Variants in JCAD observed in about 807,000 individuals in gnomAD.
JCAD encodes the protein junctional cadherin 5-associated protein.
JCAD carries 40 observed loss-of-function variants against 98.0 expected under a neutral mutation model. The ratio of observed to expected loss-of-function variants is 0.41; its 90% CI spans 0.32 to 0.53. The LOEUF (loss-of-function observed/expected upper bound fraction) is 0.53, where lower values mean the gene tolerates loss of function less well. Among genes scored for constraint, JCAD ranks in the 20% least tolerant of loss-of-function variants. JCAD has a pLI of 0.31. For missense variants in JCAD, 1,705 were observed against 1,738.1 expected, an observed-to-expected ratio of 0.98 and a Z score of 0.34; for synonymous variants, 691 against 682.3, an observed-to-expected ratio of 1.01 and a Z score of -0.20.
At chr10:30,040,096 C>T (rs538024244) in intron 2 of JCAD, among the ~76,000 whole-genome samples, 3 of 152,222 alleles carry the variant, frequency 2.0e-5, no homozygotes, top group African/African-American at 7.2e-5. Context: ...GGTGAAGAAC[C>T]GAGTGTCTGT....
intron 1 of JCAD, among the ~76,000 whole-genome samples, chr10:30,099,157 G>A (rs1293570669): frequency 6.6e-6 from 1 of 152,068 alleles, no homozygotes; most frequent in Non-Finnish European, 1.5e-5. Flanking sequence ...TTTAAAAGTG[G>A]GGAAAATGAA....
chr10:30,089,234 C>A (rs541037187), intron 1 of JCAD, among the ~76,000 whole-genome samples: 22 of 152,166 alleles, frequency 1.4e-4, no homozygotes, highest in African/African-American at 4.6e-4. Context: ...AAGCTGAGAG[C>A]TTTCTTCCCT....
intron 2 of JCAD, among the ~76,000 whole-genome samples, chr10:30,040,440 A>G (rs1837218971): frequency 6.6e-6 from 1 of 152,236 alleles, no homozygotes; most frequent in South Asian, 2.1e-4. Context: ...AACTGCTTTC[A>G]CCAGTGTGAA....
At chr10:30,079,737 A>G (rs1353710855) in intron 1 of JCAD, among the ~76,000 whole-genome samples, 2 of 152,226 alleles carry the variant, frequency 1.3e-5, no homozygotes, top group African/African-American at 2.4e-5. Context: ...TATCACAACT[A>G]TAATTCATGG....
chr10:30,061,349 C>A (rs1837697484), upstream of JCAD, among the ~76,000 whole-genome samples: 1 of 152,018 alleles, frequency 6.6e-6, no homozygotes, highest in African/African-American at 2.4e-5. Context: ...TCGAGACCAG[C>A]CTGGGTAAGA....
At position 30,044,626 on chromosome 10, in the gene JCAD, G is replaced by A. The variant is rs537691527; in HGVS notation, c.281+2906C>T. On this transcript the variant is annotated intron_variant, in intron 2 of 3. Transcript: ENST00000375377. ...AGTAACCAAAGACTGGGATCTGACA[G>A]CACCATTTATTCATCAGATTCAGAA... Among the ~76,000 whole-genome samples, 105 of 151,004 alleles carry A rather than the reference G, an allele frequency of 7.0e-4. 1 individual carries two copies. The South Asian group carries it at 0.01, about 15-fold the overall frequency.
At position 30,015,776 on chromosome 10, in the gene JCAD, A is replaced by C. The variant is rs537657792; in HGVS notation, c.*2107T>G. On this transcript the variant is annotated 3_prime_UTR_variant, in exon 4 of 4. Transcript: ENST00000375377. ...CATATACATGTATGGGTATGTGTGCATACATGTACGAGTATACATGTGCAC... is the reference window on the plus strand; with the variant it reads ...CATATACATGTATGGGTATGTGTGCCTACATGTACGAGTATACATGTGCAC... The C allele has an allele frequency of 4.6e-5, 7 of 152,356 alleles. No homozygotes were observed. In the South Asian group the frequency reaches 1.5e-3, roughly 32 times the overall value. 9.4% of individuals were successfully genotyped at this position (152,356 alleles called of 1,614,324 possible).
chr10:30,094,306 C>T (rs1838333340), intron 1 of JCAD, among the ~76,000 whole-genome samples: 2 of 151,816 alleles, frequency 1.3e-5, no homozygotes, highest in Non-Finnish European at 2.9e-5. Flanking sequence ...AAAAATTAGC[C>T]AGGCATAGTG....
chr10:30,045,214 C>G (rs923539394), intron 2 of JCAD, among the ~76,000 whole-genome samples: 2 of 152,080 alleles, frequency 1.3e-5, no homozygotes, highest in Non-Finnish European at 2.9e-5. Flanking sequence ...GGCCACACTG[C>G]CCACACAGAA....
chr10:30,082,433 T>C (rs1410480855), intron 1 of JCAD, among the ~76,000 whole-genome samples: 5 of 152,108 alleles, frequency 3.3e-5, no homozygotes, highest in Non-Finnish European at 5.9e-5. Flanking sequence ...TAAAAGATGA[T>C]ATGGGCCGGG....
At chr10:30,041,461 T>G (rs1375816911) in intron 2 of JCAD, among the ~76,000 whole-genome samples, 3 of 152,202 alleles carry the variant, frequency 2.0e-5, no homozygotes, top group African/African-American at 7.2e-5. Context: ...AAAACCCTTA[T>G]AAGCAGGATA....
At chr10:30,066,407 A>G (rs1426200941) in intron 2 of JCAD, among the ~76,000 whole-genome samples, 1 of 152,188 alleles carries the variant, frequency 6.6e-6, no homozygotes, top group Non-Finnish European at 1.5e-5. Flanking sequence ...ACTCTGTTAC[A>G]CTCACCGTAG....
intron 2 of JCAD, among the ~76,000 whole-genome samples, chr10:30,031,336 G>A (rs1836985369): frequency 1.3e-5 from 2 of 151,436 alleles, no homozygotes; most frequent in Admixed American, 1.3e-4. Context: ...TTGCTGTGTT[G>A]TCCAGTCTGG....
At chr10:30,022,496 T>C (rs957326899) in intron 3 of JCAD, among the ~76,000 whole-genome samples, 1 of 152,184 alleles carries the variant, frequency 6.6e-6, no homozygotes, top group African/African-American at 2.4e-5. Flanking sequence ...GGCTTTACTC[T>C]AACTTGTGAA....
intron 1 of JCAD, among the ~76,000 whole-genome samples, chr10:30,105,358 C>CT (rs201535105): frequency 0.015 from 2,086 of 143,574 alleles, 26 homozygotes; most frequent in South Asian, 0.022. Context: ...TTCTTTCTTT[C>CT]TTTTTTTTTT....
intron 1 of JCAD, among the ~76,000 whole-genome samples, chr10:30,091,025 G>A (rs1015223175): frequency 1.5e-4 from 23 of 152,184 alleles, no homozygotes; most frequent in African/African-American, 5.3e-4. Context: ...CACGCTGGTC[G>A]TCATCTTCAT....
At position 30,029,302 on chromosome 10, in the gene JCAD, G is replaced by A. The variant is rs371530293; in HGVS notation, c.846C>T (p.Ala282=). Reference sequence around the variant, plus strand: ...TCCCAAACTTAGGCCGGGGAAATGGGGCTGAGCAGCCACTCTTCTCAGAAT... The same window carrying A: ...TCCCAAACTTAGGCCGGGGAAATGGAGCTGAGCAGCCACTCTTCTCAGAAT... The part of the protein sequence containing the change: ...TRNSEKSGCS[A]PFPRPKFGRP... The change falls in exon 3 of 4, where the codon GCC becomes GCT. Residue 282 remains alanine (A), a synonymous_variant. Transcript: ENST00000375377. The A allele has an allele frequency of 3.7e-5, 60 of 1,614,152 alleles. No individual in the cohort carries two copies. In the African/African-American group the frequency reaches 7.2e-4, roughly 19 times the overall value.
chr10:30,075,131 G>C (rs974507444), intron 1 of JCAD, among the ~76,000 whole-genome samples: 6 of 152,104 alleles, frequency 3.9e-5, no homozygotes, highest in African/African-American at 1.4e-4. Flanking sequence ...TTTAAATTCT[G>C]ATTGCACAAT....
intron 1 of JCAD, among the ~76,000 whole-genome samples, chr10:30,105,879 T>C (rs1838569509): frequency 6.6e-6 from 1 of 152,198 alleles, no homozygotes; most frequent in African/African-American, 2.4e-5. Flanking sequence ...TTTTACAATT[T>C]ATGTGTAAAG....
Sources: gnomAD v4.1 joint callset for allele counts (sites outside exome capture counted in the v4.1 genomes callset) on GRCh38, gnomAD v4.1.1 for gene constraint, MANE v1.5 for transcripts, NCBI Gene and HGNC (gene_info 2026-07-23, HGNC 2026-07-21) for gene names.